NTNG1: variants seen among roughly 807,000 people sequenced by gnomAD.
NTNG1 encodes netrin G1.
NTNG1 carries 16 observed loss-of-function variants against 54.0 expected under a neutral mutation model. The ratio of observed to expected loss-of-function variants is 0.30; its 90% CI spans 0.20 to 0.45. The LOEUF (loss-of-function observed/expected upper bound fraction) is 0.45, where lower values mean the gene tolerates loss of function less well. NTNG1 is among the 20% of genes least tolerant of loss of function. The pLI is 1.00. For missense variants in NTNG1, 530 were observed against 678.7 expected (o/e 0.78, Z 2.43); for synonymous variants, 255 against 263.1 (o/e 0.97, Z 0.30).
At chr1:107,197,993 T>C (rs1369289558) in intron 2 of NTNG1, among the ~76,000 whole-genome samples, 2 of 151,988 alleles carry the variant, frequency 1.3e-5, no homozygotes, top group Non-Finnish European at 2.9e-5. Flanking sequence ...TCCTATTCTT[T>C]GAGGTGCAAT....
In NTNG1 at chr1:107,219,902, C is replaced by G. The variant is rs148174180; in HGVS notation, c.246+71063C>G. Among the ~76,000 whole-genome samples the G allele has an allele frequency of 2.4e-3, 366 of 152,192 alleles. 1 individual carries two copies. Among genetic ancestry groups the G allele is most frequent in the Middle Eastern group, 0.01 (3 of 294 alleles). On this transcript the variant is annotated intron_variant, in intron 2 of 7. Transcript: ENST00000370068. Reference sequence around the variant, plus strand: ...AACCAGGAGGTGGCACTTTTAAGAGCACATTAGTTGCAGTAGTATAGGGAG... The same window carrying G: ...AACCAGGAGGTGGCACTTTTAAGAGGACATTAGTTGCAGTAGTATAGGGAG...
intron 2 of NTNG1, among the ~76,000 whole-genome samples, chr1:107,175,080 C>A (rs147891803): frequency 6.6e-6 from 1 of 152,102 alleles, no homozygotes; most frequent in Non-Finnish European, 1.5e-5. Flanking sequence ...TAGTGCTTTA[C>A]GATTTTCACA....
chr1:107,165,519 T>C (rs750805436), intron 2 of NTNG1, among the ~76,000 whole-genome samples: 12 of 152,186 alleles, frequency 7.9e-5, no homozygotes, highest in Non-Finnish European at 1.6e-4. Flanking sequence ...GCACTCACCA[T>C]TTCATTTTGT....
At chr1:107,140,342 G>C (rs1337602321), upstream of NTNG1, 1 of 152,628 alleles carries the variant, frequency 6.6e-6, no homozygotes, top group East Asian at 1.9e-4. Flanking sequence ...CGGCTCTCGC[G>C]CTCACTCTTT....
intron 3 of NTNG1, among the ~76,000 whole-genome samples, chr1:107,391,333 G>T (rs904231161): frequency 6.6e-6 from 1 of 152,092 alleles, no homozygotes; most frequent in South Asian, 2.1e-4. Context: ...AAAATATTTG[G>T]ACTATTGTGT....
At chr1:107,240,925 C>A (rs987857744) in intron 2 of NTNG1, among the ~76,000 whole-genome samples, 2 of 151,998 alleles carry the variant, frequency 1.3e-5, no homozygotes, top group Non-Finnish European at 2.9e-5. Context: ...TTCTTAGTTT[C>A]TTTTTTTGGG....
intron 3 of NTNG1, among the ~76,000 whole-genome samples, chr1:107,372,424 C>A (rs1670975720): frequency 6.6e-6 from 1 of 151,792 alleles, no homozygotes; most frequent in East Asian, 1.9e-4. Context: ...TTAATTTGAC[C>A]TGTGGTTTAT....
chr1:107,167,419 T>A (rs1655882835), intron 2 of NTNG1, among the ~76,000 whole-genome samples: 2 of 151,876 alleles, frequency 1.3e-5, no homozygotes, highest in Admixed American at 1.3e-4. Context: ...GTGCCTAAAG[T>A]TCAAGACCCA....
At position 107,378,522 on chromosome 1, in the gene NTNG1, G is replaced by A. The variant is rs1380751400; in HGVS notation, c.888-16632G>A. Among the ~76,000 whole-genome samples, 4 of 152,164 alleles carry A rather than the reference G, an allele frequency of 2.6e-5. No homozygotes were observed. The East Asian group carries it at 7.7e-4, about 29-fold the overall frequency. On this transcript the variant is annotated intron_variant, in intron 3 of 7. Transcript: ENST00000370068. ...CTCAAATCTGGGGTACTTGGGGATG[G>A]GGGAACAGCCTTGGAATGCAGAGTC...
intron 2 of NTNG1, among the ~76,000 whole-genome samples, chr1:107,204,559 C>G (rs1659031744): frequency 6.6e-6 from 1 of 152,010 alleles, no homozygotes; most frequent in Non-Finnish European, 1.5e-5. Flanking sequence ...TGTCTCTGAC[C>G]CTTCATATCA....
chr1:107,258,916 A>G (rs537955095), intron 2 of NTNG1, among the ~76,000 whole-genome samples: 23 of 152,212 alleles, frequency 1.5e-4, no homozygotes, highest in African/African-American at 4.8e-4. Flanking sequence ...TGGAGAAAGG[A>G]AAAAAAAGTA....
chr1:107,339,656 C>T (rs566018808), intron 3 of NTNG1, among the ~76,000 whole-genome samples: 4 of 152,126 alleles, frequency 2.6e-5, no homozygotes, highest in African/African-American at 9.6e-5. Context: ...TTTGTGAGAA[C>T]ATGACAATTG....
intron 2 of NTNG1, among the ~76,000 whole-genome samples, chr1:107,212,911 C>T (rs1033310822): frequency 2.6e-5 from 4 of 151,882 alleles, no homozygotes; most frequent in African/African-American, 9.7e-5. Context: ...AGAAAGGTGA[C>T]CATTCAGAAG....
At position 107,407,726 on chromosome 1, in the gene NTNG1, C is replaced by CA. The variant is rs753896110; in HGVS notation, c.1087+26dup. The CA allele has an allele frequency of 1.3e-4, 209 of 1,598,434 alleles. No homozygotes were observed. Among genetic ancestry groups the CA allele is most frequent in the Non-Finnish European group, 1.5e-4 (180 of 1,167,784 alleles). Reference sequence around the variant, plus strand: ...TATTGGTAGTAAGTAAAAACAAAAACAAAAAAAACACCAAACCAAGTCTAG... The same window carrying CA: ...TATTGGTAGTAAGTAAAAACAAAAACAAAAAAAAACACCAAACCAAGTCTAG... On this transcript the variant is annotated intron_variant, in intron 5 of 7. Coordinates refer to ENST00000370068, the MANE Select transcript of NTNG1 (RefSeq NM_001113226.3).
At chr1:107,258,287 GGAAA>G (rs1416413234) in intron 2 of NTNG1, among the ~76,000 whole-genome samples, 1 of 124,826 alleles carries the variant, frequency 8.0e-6, no homozygotes, top group African/African-American at 2.9e-5. Context: ...TAGTGGTTGA[GGAAA>G]AAAAAAAACC....
At chr1:107,193,391 A>G (rs1658101984) in intron 2 of NTNG1, among the ~76,000 whole-genome samples, 1 of 152,012 alleles carries the variant, frequency 6.6e-6, no homozygotes, top group Non-Finnish European at 1.5e-5. Flanking sequence ...GAATAAATTG[A>G]AACTCTAGAT....
At chr1:107,353,696 A>G (rs1669768253) in intron 3 of NTNG1, among the ~76,000 whole-genome samples, 1 of 152,108 alleles carries the variant, frequency 6.6e-6, no homozygotes. Context: ...CTGAATACCA[A>G]TTTTTGTGTT....
intron 2 of NTNG1, among the ~76,000 whole-genome samples, chr1:107,172,854 T>C (rs17447254): frequency 0.068 from 10,332 of 152,218 alleles, 472 homozygotes; most frequent in Non-Finnish European, 0.099. Flanking sequence ...CTTGGTAGAA[T>C]CTTGTGATAG....
At chr1:107,195,732 C>T (rs779406419) in intron 2 of NTNG1, among the ~76,000 whole-genome samples, 1 of 151,968 alleles carries the variant, frequency 6.6e-6, no homozygotes, top group East Asian at 1.9e-4. Context: ...TATGTTCAGG[C>T]CCTTGCACTT....
Sources: allele counts gnomAD v4.1 joint callset (sites outside exome capture counted in the v4.1 genomes callset), GRCh38; gene constraint gnomAD v4.1.1; transcripts MANE v1.5; gene names NCBI Gene and HGNC (gene_info 2026-07-23, HGNC 2026-07-21).